TMEFF1: variants seen among roughly 807,000 people sequenced by gnomAD.
TMEFF1 encodes the protein tomoregulin-1.
In TMEFF1, 20 loss-of-function variants were observed where a neutral mutation model predicts 47.5. The ratio of observed to expected loss-of-function variants is 0.42; its 90% CI spans 0.30 to 0.61. The LOEUF (loss-of-function observed/expected upper bound fraction) is 0.61, where lower values mean the gene tolerates loss of function less well. TMEFF1 is among the 20% of genes least tolerant of loss of function. TMEFF1 has a pLI of 0.19. For missense variants in TMEFF1, 411 were observed against 471.1 expected (o/e 0.87, Z 1.18); for synonymous variants, 162 against 166.3 (o/e 0.97, Z 0.20).
intron 8 of TMEFF1, among the ~76,000 whole-genome samples, chr9:100,568,610 T>TC (rs2118568546): frequency 1.3e-5 from 2 of 151,198 alleles, no homozygotes; most frequent in Non-Finnish European, 3.0e-5. Flanking sequence ...CTTCCTTCCT[T>TC]CTCCATTGGT....
intron 5 of TMEFF1, among the ~76,000 whole-genome samples, chr9:100,541,359 T>TC (rs1838624523): frequency 6.7e-6 from 1 of 148,944 alleles, no homozygotes; most frequent in Admixed American, 6.8e-5. Context: ...TTTTTTTTTT[T>TC]TTTCTTTCTT....
At chr9:100,532,508 C>G (rs1838406465) in intron 5 of TMEFF1, among the ~76,000 whole-genome samples, 1 of 152,078 alleles carries the variant, frequency 6.6e-6, no homozygotes, top group African/African-American at 2.4e-5. Context: ...CACTGGCCAT[C>G]AGAGAAATGC....
chr9:100,541,473 G>T lies in TMEFF1; in HGVS notation c.561-6271G>T, dbSNP rs1240560714. On this transcript the variant is annotated intron_variant, in intron 5 of 9. Coordinates refer to ENST00000374879, the MANE Select transcript of TMEFF1 (RefSeq NM_003692.5). ...ACCACAACTTCTGCCTCCCAAGTTCGAGTGATTCTCCTGCCTCAGCTTCCC... is the reference window on the plus strand; with the variant it reads ...ACCACAACTTCTGCCTCCCAAGTTCTAGTGATTCTCCTGCCTCAGCTTCCC... Among the ~76,000 whole-genome samples the T allele has an allele frequency of 2.7e-5, 4 of 147,940 alleles. No homozygotes were observed. The East Asian group carries it at 8.1e-4, about 30-fold the overall frequency.
chr9:100,545,352 C>G (rs2118502254), intron 5 of TMEFF1, among the ~76,000 whole-genome samples: 1 of 152,324 alleles, frequency 6.6e-6, no homozygotes, highest in African/African-American at 2.4e-5. Flanking sequence ...AGGCTTAACA[C>G]CATGTGGAAG....
rs191151618 is a variant in TMEFF1 at position 100,537,347 on chromosome 9, A to G, written c.561-10397A>G. 1.3e-3 allele frequency among the ~76,000 whole-genome samples: 198 copies of G among 152,360 alleles called. 1 individual carries two copies. Among genetic ancestry groups the G allele is most frequent in the Non-Finnish European group, 2.4e-3 (162 of 68,044 alleles). ...GATGATATAACAAATGAATCATTGA[A>G]TTAACTTCAGGTGAAAACTTATATT... On this transcript the variant is annotated intron_variant, in intron 5 of 9. Coordinates refer to ENST00000374879, the MANE Select transcript of TMEFF1 (RefSeq NM_003692.5).
intron 5 of TMEFF1, among the ~76,000 whole-genome samples, chr9:100,531,576 T>C (rs868447371): frequency 1.3e-5 from 2 of 151,880 alleles, no homozygotes; most frequent in Non-Finnish European, 2.9e-5. Context: ...CACTGCTCAA[T>C]AAAATAAAAG....
intron 5 of TMEFF1, among the ~76,000 whole-genome samples, chr9:100,526,873 A>C (rs912775495): frequency 2.1e-5 from 3 of 145,976 alleles, no homozygotes; most frequent in Non-Finnish European, 4.5e-5. Flanking sequence ...GCTTTGGGAG[A>C]CCGAGGTGGG....
At chr9:100,496,403 C>A (rs1451491761) in intron 1 of TMEFF1, among the ~76,000 whole-genome samples, 1 of 152,190 alleles carries the variant, frequency 6.6e-6, no homozygotes, top group Non-Finnish European at 1.5e-5. Flanking sequence ...CCATGCCCAG[C>A]TAATTTTTGT....
chr9:100,570,674 C>T (rs1004295698), intron 8 of TMEFF1, among the ~76,000 whole-genome samples: 7 of 151,794 alleles, frequency 4.6e-5, no homozygotes, highest in South Asian at 2.1e-4. Context: ...TGCTGGAAAG[C>T]GTAGAGCCCA....
At chr9:100,527,380 CGCGCACAGTGCGTGA>C (rs1465896957) in intron 5 of TMEFF1, among the ~76,000 whole-genome samples, 1 of 152,150 alleles carries the variant, frequency 6.6e-6, no homozygotes, top group Non-Finnish European at 1.5e-5. Flanking sequence ...TCAGTGGGTG[CGCGCACAGTGCGTGA>C]GCCGAAGCAG....
intron 1 of TMEFF1, among the ~76,000 whole-genome samples, chr9:100,483,028 A>G (rs887367608): frequency 6.6e-6 from 1 of 151,526 alleles, no homozygotes; most frequent in African/African-American, 2.4e-5. Context: ...GTCTCTTTCT[A>G]AATTCTTTAG....
chr9:100,474,289 T>C (rs1017779524), intron 1 of TMEFF1, among the ~76,000 whole-genome samples: 4 of 151,252 alleles, frequency 2.6e-5, no homozygotes, highest in African/African-American at 9.7e-5. Context: ...GAACGGGTTG[T>C]CTTGAGGACG....
intron 3 of TMEFF1, 69 bp from the exon 4 acceptor site, chr9:100,513,238 A>C (rs934749914): frequency 6.4e-7 from 1 of 1,569,594 alleles, no homozygotes; most frequent in African/African-American, 1.4e-5. Context: ...TTGATAGGAA[A>C]TTTTATTATT....
At chr9:100,490,961 C>T (rs1256301893) in intron 1 of TMEFF1, among the ~76,000 whole-genome samples, 1 of 151,834 alleles carries the variant, frequency 6.6e-6, no homozygotes, top group Non-Finnish European at 1.5e-5. Flanking sequence ...CTGCTTCAGC[C>T]TCCAAAGTAG....
In TMEFF1 at chr9:100,508,531, A is replaced by G. The variant is rs376876721; in HGVS notation, c.307-474A>G. ...CCTACTCGTATGACTCTCTGACAAG[A>G]TTGTAAGGTTTCCAAGAACAGAGAT... On this transcript the variant is annotated intron_variant, in intron 2 of 9. Coordinates refer to ENST00000374879, the MANE Select transcript of TMEFF1 (RefSeq NM_003692.5). 3.3e-5 allele frequency among the ~76,000 whole-genome samples: 5 copies of G among 151,872 alleles called. No homozygotes were observed. The East Asian group carries it at 9.7e-4, about 29-fold the overall frequency.
chr9:100,564,674 G>A (rs1181369375), intron 8 of TMEFF1, among the ~76,000 whole-genome samples: 1 of 152,154 alleles, frequency 6.6e-6, no homozygotes, highest in African/African-American at 2.4e-5. Context: ...CCAGGAGCTT[G>A]GCTTTTATTT....
Position 100,473,585 on chromosome 9 carries a change from C to G in TMEFF1, c.41C>G (p.Ala14Gly), listed in dbSNP as rs1428746300. ...GCTGAGGCGCCGCTCCGGCTGCCTG[C>G]CGCGCCTCCGCTCGCCTTCTGCTGC... ...AAAEAPLRLP[A>G]APPLAFCCYT... The change falls in exon 1 of 10, where the codon GCC (alanine) becomes GGC (glycine). Residue 14 changes from alanine to glycine, a missense_variant. Transcript: ENST00000374879. The surrounding 1 kb of genome is among the most constrained non-coding windows in gnomAD (Gnocchi z 5.4). 3 of 1,549,510 alleles carry G rather than the reference C, an allele frequency of 1.9e-6. No individual in the cohort carries two copies. The highest frequency in any genetic ancestry group is 4.9e-5 in the East Asian group (2 of 40,444).
At chr9:100,484,529 G>C (rs1837411155) in intron 1 of TMEFF1, among the ~76,000 whole-genome samples, 1 of 151,888 alleles carries the variant, frequency 6.6e-6, no homozygotes, top group Non-Finnish European at 1.5e-5. Flanking sequence ...GTGTTGTCCA[G>C]GCTGGTCTTG....
At chr9:100,481,223 A>G (rs530623334) in intron 1 of TMEFF1, among the ~76,000 whole-genome samples, 1 of 150,028 alleles carries the variant, frequency 6.7e-6, no homozygotes, top group South Asian at 2.2e-4. Context: ...GACATACTAT[A>G]CGTTTTACTT....
Sources: gnomAD v4.1 joint callset for allele counts (sites outside exome capture counted in the v4.1 genomes callset) on GRCh38, gnomAD v4.1.1 for gene constraint, Gnocchi (gnomAD v3.1) non-coding constraint, MANE v1.5 for transcripts, NCBI Gene and HGNC (gene_info 2026-07-23, HGNC 2026-07-21) for gene names.